The following JAM2 variants were observed in gnomAD, a reference collection of about 807,000 sequenced individuals.
JAM2 encodes the protein junctional adhesion molecule 2, also known as junctional adhesion molecule B.
In JAM2, 17 loss-of-function variants were observed where a neutral mutation model predicts 42.0. The observed-to-expected ratio is 0.40, with a 90% CI of 0.28 to 0.61. The LOEUF is 0.61. Ranked by LOEUF, JAM2 falls within the 20% of genes least tolerant of loss-of-function variation. The probability of loss-of-function intolerance (pLI) is 0.37; values close to 1 mark genes in which losing one functional copy is unlikely to be tolerated. For synonymous variants in JAM2, 118 were observed against 128.6 expected (o/e 0.92, Z 0.56); for missense variants, 319 against 358.3 (o/e 0.89, Z 0.89).
At chr21:25,666,229 C>T (rs1341779995) in intron 1 of JAM2, among the ~76,000 whole-genome samples, 1 of 151,618 alleles carries the variant, frequency 6.6e-6, no homozygotes, top group Non-Finnish European at 1.5e-5. Context: ...AATTGCTCAC[C>T]TTGTGTTATT....
intron 1 of JAM2, among the ~76,000 whole-genome samples, chr21:25,678,716 G>GT (rs2033557705): frequency 6.6e-6 from 1 of 152,152 alleles, no homozygotes; most frequent in Non-Finnish European, 1.5e-5. Flanking sequence ...TATTGAATAT[G>GT]TTTGCCATTT....
intron 9 of JAM2, among the ~76,000 whole-genome samples, chr21:25,712,754 TC>T (rs1270946241): frequency 1.3e-5 from 2 of 152,194 alleles, no homozygotes; most frequent in South Asian, 4.1e-4. Flanking sequence ...GGACCCAGGC[TC>T]TTTTCTTCCC....
chr21:25,690,433 A>G (rs1323868376), intron 3 of JAM2, among the ~76,000 whole-genome samples: 1 of 151,926 alleles, frequency 6.6e-6, no homozygotes, highest in Non-Finnish European at 1.5e-5. Context: ...GGCTCAAGTT[A>G]TCCTCCCATC....
chr21:25,684,753 G>A (rs2033712931), intron 2 of JAM2, among the ~76,000 whole-genome samples: 1 of 152,028 alleles, frequency 6.6e-6, no homozygotes, highest in African/African-American at 2.4e-5. Flanking sequence ...AGGCCACCAT[G>A]TCTGGCTAAT....
intron 1 of JAM2, among the ~76,000 whole-genome samples, chr21:25,649,968 T>C (rs185242261): frequency 1.2e-3 from 177 of 152,298 alleles, no homozygotes; most frequent in African/African-American, 4.1e-3. Flanking sequence ...ACACAAGTGA[T>C]GGCCTCATTT....
chr21:25,659,181 A>G (rs984312611), intron 1 of JAM2, among the ~76,000 whole-genome samples: 1 of 152,180 alleles, frequency 6.6e-6, no homozygotes, highest in African/African-American at 2.4e-5. Flanking sequence ...TTATTATCCA[A>G]TTTAGTCATC....
chr21:25,652,870 C>A (rs1404763703), intron 1 of JAM2, among the ~76,000 whole-genome samples: 2 of 152,182 alleles, frequency 1.3e-5, no homozygotes, highest in Non-Finnish European at 2.9e-5. Context: ...AACAGATAAC[C>A]TTAAAAACCT....
chr21:25,712,280 A>T, intron 8 of JAM2, 60 bp from the exon 9 acceptor site: 1 of 1,119,918 alleles, frequency 8.9e-7, no homozygotes, highest in Non-Finnish European at 1.4e-6. Context: ...AAAAGAGCAT[A>T]TATGTTCCAG....
chr21:25,639,777 G>A lies in JAM2; in HGVS notation c.-45G>A, dbSNP rs753206960. ...CCCGGCCTCCTGCGCTCCTGCCGCC[G>A]GGACCCTCGACCTCCTCAGAGCAGC... On this transcript the variant is annotated 5_prime_UTR_variant, in exon 1 of 10. Transcript: ENST00000480456. 9 of 1,442,598 alleles carry A rather than the reference G, an allele frequency of 6.2e-6. No individual in the cohort carries two copies. In the South Asian group the frequency reaches 9.9e-5, roughly 16 times the overall value. The allele number at this position is 1,442,598 out of a possible 1,614,324, so 89.4% of individuals were successfully genotyped here. A position where few individuals can be genotyped will look rare whatever the true frequency, so the allele number is the denominator to read the frequency against.
intron 8 of JAM2, chr21:25,709,913 C>T (rs559672510): frequency 2.4e-4 from 36 of 152,884 alleles, no homozygotes; most frequent in Non-Finnish European, 4.2e-4. Context: ...ATGAGAAATC[C>T]GCCCCCATGA....
chr21:25,647,570 G>C (rs888697046), intron 1 of JAM2, among the ~76,000 whole-genome samples: 20 of 152,170 alleles, frequency 1.3e-4, no homozygotes, highest in African/African-American at 4.8e-4. Flanking sequence ...CTTTAAAATT[G>C]TTGCACCAAA....
intron 1 of JAM2, among the ~76,000 whole-genome samples, chr21:25,676,729 T>C (rs1342213431): frequency 6.6e-6 from 1 of 152,188 alleles, no homozygotes; most frequent in East Asian, 1.9e-4. Context: ...TCCTATTTAA[T>C]TTGTTCTGGA....
intron 1 of JAM2, among the ~76,000 whole-genome samples, chr21:25,644,857 GT>G (rs961996357): frequency 2.1e-5 from 2 of 96,434 alleles, no homozygotes; most frequent in Non-Finnish European, 4.3e-5. Flanking sequence ...AAGCTGGTTG[GT>G]TTTTTGGTTT....
chr21:25,699,722 C>CAAAAA (rs59490509), intron 5 of JAM2, among the ~76,000 whole-genome samples: 10 of 41,940 alleles, frequency 2.4e-4, no homozygotes, highest in South Asian at 1.4e-3. Context: ...GGCTCCGTCT[C>CAAAAA]AAAAAAAAAA....
Position 25,692,775 on chromosome 21 carries a change from T to C in JAM2, c.242-981T>C, listed in dbSNP as rs1015484158. On this transcript the variant is annotated intron_variant, in intron 3 of 9. Transcript: ENST00000480456. The stretch of plus-strand genomic sequence containing the variant: ...GTTAAATATTAGAAAATAATTAATA[T>C]GACAATACCTTACAAATTTTGCCTT... Among the ~76,000 whole-genome samples the C allele has an allele frequency of 2.0e-5, 3 of 152,248 alleles. No individual in the cohort carries two copies. The East Asian group carries it at 5.8e-4, about 29-fold the overall frequency.
In JAM2 at chr21:25,693,853, C is replaced by T; in HGVS notation, c.339C>T (p.Ala113=). 2 of 1,614,034 alleles carry T rather than the reference C, an allele frequency of 1.2e-6. No individual in the cohort carries two copies. Among genetic ancestry groups the T allele is most frequent in the Non-Finnish European group, 1.7e-6 (2 of 1,179,966 alleles). The part of the protein sequence containing the change: ...DAGKYRCEVS[A]PSEQGQNLEE... ...GGAAATATCGTTGTGAAGTTAGTGC[C>T]CCATCTGAGCAAGGCCAAAACCTGG... The change falls in exon 4 of 10, where the codon GCC becomes GCT. Residue 113 remains alanine, a synonymous_variant. Transcript: ENST00000480456.
Position 25,639,457 on chromosome 21 carries a change from A to C in JAM2, c.-365A>C, listed in dbSNP as rs957869659. 28 of 182,038 alleles carry C rather than the reference A, an allele frequency of 1.5e-4. No individual in the cohort carries two copies. The highest frequency in any genetic ancestry group is 1.0e-3 in the Admixed American group (16 of 16,026). 11.3% of individuals were successfully genotyped at this position (182,038 alleles called of 1,614,324 possible). A position where few individuals can be genotyped will look rare whatever the true frequency, so the allele number is the denominator to read the frequency against. On this transcript the variant is annotated 5_prime_UTR_variant, in exon 1 of 10. Transcript: ENST00000480456. Reference sequence around the variant, plus strand: ...CAGACACAAAGCCGATCAATCCCGGAGGCGTGGGGGCGGAGGGACGACCCG... The same window carrying C: ...CAGACACAAAGCCGATCAATCCCGGCGGCGTGGGGGCGGAGGGACGACCCG...
chr21:25,652,481 A>G lies in JAM2; in HGVS notation c.67+12593A>G, dbSNP rs1463056028. On this transcript the variant is annotated intron_variant, in intron 1 of 9. Transcript: ENST00000480456. ...TAAAGGAAATAATTATTTCAATCTG[A>G]ACCTAAAAACATAATATTCCACCAA... 2.0e-5 allele frequency among the ~76,000 whole-genome samples: 3 copies of G among 152,210 alleles called. No homozygotes were observed. The East Asian group carries it at 5.8e-4, about 29-fold the overall frequency.
At chr21:25,656,014 G>C (rs1048050502) in intron 1 of JAM2, among the ~76,000 whole-genome samples, 2 of 151,434 alleles carry the variant, frequency 1.3e-5, no homozygotes, top group African/African-American at 4.9e-5. Context: ...AGCAAAGTCT[G>C]TTAGTAAATC....
Sources: gnomAD v4.1 joint callset for allele counts (sites outside exome capture counted in the v4.1 genomes callset) on GRCh38, gnomAD v4.1.1 for gene constraint, MANE v1.5 for transcripts, NCBI Gene and HGNC (gene_info 2026-07-23, HGNC 2026-07-21) for gene names.